The following KCTD13 variants were observed in gnomAD, a reference collection of about 807,000 sequenced individuals.
The protein encoded by KCTD13 is potassium channel tetramerization domain containing 13.
A neutral mutation model predicts 32.3 loss-of-function variants in KCTD13; 15 were observed. The ratio of observed to expected loss-of-function variants is 0.46; its 90% confidence interval spans 0.31 to 0.71. The LOEUF (loss-of-function observed/expected upper bound fraction) is 0.71. KCTD13 is among the 30% of genes least tolerant of loss of function. The probability of loss-of-function intolerance (pLI) is 0.05; values close to 1 mark genes in which losing one functional copy is unlikely to be tolerated. For missense variants in KCTD13, 337 were observed against 452.6 expected (o/e 0.74, Z 2.32); for synonymous variants, 189 against 200.1 (o/e 0.94, Z 0.47).
chr16:29,924,129 G>A (rs1373586601), intron 1 of KCTD13, among the ~76,000 whole-genome samples: 3 of 150,678 alleles, frequency 2.0e-5, no homozygotes, highest in Non-Finnish European at 2.9e-5. Flanking sequence ...AGCCGAGATC[G>A]TGCCATTGCA....
intron 4 of KCTD13, 158 bp downstream of exon 4, chr16:29,911,657 C>T: frequency 1.5e-6 from 1 of 686,402 alleles, no homozygotes; most frequent in East Asian, 2.7e-5. Context: ...CAGAAAGGAC[C>T]TGCCTAGAGC....
intron 1 of KCTD13, among the ~76,000 whole-genome samples, chr16:29,923,890 G>T (rs1343563191): frequency 6.7e-6 from 1 of 150,350 alleles, no homozygotes; most frequent in Admixed American, 6.7e-5. Flanking sequence ...GTAAAGAAAA[G>T]AAGGCCGGGC....
intron 5 of KCTD13, 39 bp downstream of exon 5, chr16:29,910,939 A>AC (rs779398179): frequency 2.5e-6 from 4 of 1,579,532 alleles, no homozygotes. Flanking sequence ...GGTCCTGGCC[A>AC]CCCCCAGCCC....
chr16:29,911,953 G>A lies in KCTD13; in HGVS notation c.504+7C>T, dbSNP rs772953486. Reference sequence around the variant, plus strand: ...AGCCTCCACCCTGCAGGGCTTGGGGGCCTCACCTTGGAGGTGCTGGCCAGG... The same window carrying A: ...AGCCTCCACCCTGCAGGGCTTGGGGACCTCACCTTGGAGGTGCTGGCCAGG... On this transcript the variant is annotated splice_region_variant and intron_variant, in intron 3 of 5. Transcript: ENST00000568000. 13 of 1,610,354 alleles carry A rather than the reference G, an allele frequency of 8.1e-6. No homozygotes were observed. The highest frequency in any genetic ancestry group is 2.2e-5 in the East Asian group (1 of 44,842).
intron 5 of KCTD13, 32 bp from the exon 6 acceptor site, chr16:29,907,140 C>T: frequency 6.6e-7 from 1 of 1,514,674 alleles, no homozygotes; most frequent in South Asian, 1.2e-5. Flanking sequence ...CAGCTCCTTC[C>T]TTCTGGTGCA....
chr16:29,912,420 A>C (rs550113301), intron 2 of KCTD13: 344 of 320,980 alleles, frequency 1.1e-3, no homozygotes, highest in African/African-American at 7.3e-3. Context: ...CCTCCTCTAC[A>C]TCCTGCCTTT....
rs1232418514 is a variant in KCTD13, at chr16:29,906,414, C to T, written c.*458G>A. On this transcript the variant is annotated 3_prime_UTR_variant, in exon 6 of 6. Coordinates refer to ENST00000568000, the MANE Select transcript of KCTD13 (RefSeq NM_178863.5). ...AATAATATGAAACAGACTGATAACG[C>T]TGAGCTGGGCAGGCCCAGGCCAGTC... 5.4e-6 allele frequency: 2 copies of T among 368,138 alleles called. No individual in the cohort carries two copies. The highest frequency in any genetic ancestry group is 1.1e-5 in the Non-Finnish European group (2 of 185,504). The allele number at this position is 368,138 out of a possible 1,614,324, so 22.8% of individuals were successfully genotyped here.
In KCTD13 at chr16:29,925,920, C is replaced by G; in HGVS notation, c.114G>C (p.Pro38=). ...PAAYGLKPLT[P]NSKYVKLNVG... is the part of the protein sequence containing the mutation. ...CGTTCAGCTTCACGTATTTGCTGTTCGGGGTCAGCGGCTTGAGACCGTAGG... is the reference window on the plus strand; with the variant it reads ...CGTTCAGCTTCACGTATTTGCTGTTGGGGGTCAGCGGCTTGAGACCGTAGG... The change falls in exon 1 of 6, where the codon CCG becomes CCC. Residue 38 remains proline (P), a synonymous_variant. Transcript: ENST00000568000. The G allele has an allele frequency of 6.2e-7, 1 of 1,614,004 alleles. No individual in the cohort carries two copies. Among genetic ancestry groups the G allele is most frequent in the South Asian group, 1.1e-5 (1 of 91,086 alleles).
intron 5 of KCTD13, among the ~76,000 whole-genome samples, chr16:29,908,309 C>T (rs2068648100): frequency 1.3e-5 from 2 of 152,194 alleles, no homozygotes; most frequent in Non-Finnish European, 2.9e-5. Flanking sequence ...GAAGAGGTGA[C>T]TGGGGTGTTC....
intron 4 of KCTD13, chr16:29,911,576 G>GCTA: frequency 1.7e-6 from 1 of 594,936 alleles, no homozygotes; most frequent in East Asian, 2.8e-5. Flanking sequence ...AGAGCACTTG[G>GCTA]GATAGGCTCG....
chr16:29,908,683 CTTTT>C (rs576706189), intron 5 of KCTD13, among the ~76,000 whole-genome samples: 1 of 136,194 alleles, frequency 7.3e-6, no homozygotes, highest in Non-Finnish European at 1.6e-5. Context: ...CATGCCCGGC[CTTTT>C]TTTTTTTTTT....
intron 2 of KCTD13, chr16:29,913,377 G>A (rs1177650536): frequency 2.0e-5 from 3 of 152,260 alleles, no homozygotes; most frequent in Non-Finnish European, 4.4e-5. Flanking sequence ...ACAACAGAGC[G>A]ATCAGAAACA....
At chr16:29,908,764 GT>G (rs2068656238) in intron 5 of KCTD13, among the ~76,000 whole-genome samples, 1 of 150,954 alleles carries the variant, frequency 6.6e-6, no homozygotes, top group Non-Finnish European at 1.5e-5. Context: ...GTGCAGTGGT[GT>G]GATCATGTAT....
Position 29,925,972 on chromosome 16 carries a change from G to A in KCTD13, c.62C>T (p.Pro21Leu), listed in dbSNP as rs1474610079. The change falls in exon 1 of 6, where the codon CCC becomes CTC. Residue 21 changes from proline (P) to leucine (L), a missense_variant. Physicochemically the swap from Pro to Leu is moderately conservative, Grantham distance 98. Coordinates refer to ENST00000568000, the MANE Select transcript of KCTD13 (RefSeq NM_178863.5). ...GGCGGGGCCAGGCTCGAGACCCGAGGGCTTGGGGGCTTCCAGGGACGGGGC... is the reference window on the plus strand; with the variant it reads ...GGCGGGGCCAGGCTCGAGACCCGAGAGCTTGGGGGCTTCCAGGGACGGGGC... ...AAAPSLEAPK[P>L]SGLEPGPAAY... The A allele has an allele frequency of 3.7e-6, 6 of 1,609,982 alleles. No homozygotes were observed. Among genetic ancestry groups the A allele is most frequent in the Non-Finnish European group, 5.1e-6 (6 of 1,177,710 alleles).
Position 29,906,914 on chromosome 16 carries a change from G to A in KCTD13, c.948C>T (p.His316=), listed in dbSNP as rs563953632. Residue 316 remains histidine, a synonymous_variant, in exon 6 of 6, where the codon CAC becomes CAT. Coordinates refer to ENST00000568000, the MANE Select transcript of KCTD13 (RefSeq NM_178863.5). ...TTTGTTGGCCATGAGGACGCTCGTCGTGGGTGATATGGCGCCGGACATGGA... is the reference window on the plus strand; with the variant it reads ...TTTGTTGGCCATGAGGACGCTCGTCATGGGTGATATGGCGCCGGACATGGA... The part of the protein sequence containing the change: ...RRIHVRRHIT[H]DERPHGQQIV... 6.2e-6 allele frequency: 10 copies of A among 1,614,142 alleles called. No individual in the cohort carries two copies. In the East Asian group the frequency reaches 1.6e-4, roughly 25 times the overall value.
chr16:29,908,726 A>G (rs2150832813), intron 5 of KCTD13, among the ~76,000 whole-genome samples: 1 of 149,658 alleles, frequency 6.7e-6, no homozygotes, highest in East Asian at 2.0e-4. Context: ...TTTCTAAGAC[A>G]AGATCTCACT....
Position 29,911,871 on chromosome 16 carries a change from G to T in KCTD13, c.505-4C>A, listed in dbSNP as rs747087552. 6.2e-7 allele frequency: 1 copy of T among 1,612,402 alleles called. No individual in the cohort carries two copies. Among genetic ancestry groups the T allele is most frequent in the African/African-American group, 1.3e-5 (1 of 74,992 alleles). On this transcript the variant is annotated splice_region_variant and splice_polypyrimidine_tract_variant and intron_variant, in intron 3 of 5. Transcript: ENST00000568000. ...TGTGCAGGAGCTTCACCACGGGCTG[G>T]CGGGGGAGAGAGGATGGACGAGAGG...
chr16:29,909,284 A>AC (rs1171917948), intron 5 of KCTD13, among the ~76,000 whole-genome samples: 9 of 152,184 alleles, frequency 5.9e-5, no homozygotes, highest in Non-Finnish European at 1.0e-4. Context: ...AGTGAAGGTG[A>AC]CCCAAAGAAA....
Position 29,918,053 on chromosome 16 carries a change from T to C in KCTD13, c.414+5137A>G, listed in dbSNP as rs371363947. 5.3e-5 allele frequency among the ~76,000 whole-genome samples: 8 copies of C among 152,316 alleles called. No homozygotes were observed. In the East Asian group the frequency reaches 7.7e-4, roughly 15 times the overall value. Reference sequence around the variant, plus strand: ...GCATTAGGCAAAAAATGGTGAGGAATTGGACTACATCCAAATCAAGAATTT... The same window carrying C: ...GCATTAGGCAAAAAATGGTGAGGAACTGGACTACATCCAAATCAAGAATTT... On this transcript the variant is annotated intron_variant, in intron 2 of 5. Transcript: ENST00000568000.
Sources: allele counts gnomAD v4.1 joint callset (sites outside exome capture counted in the v4.1 genomes callset), GRCh38; gene constraint gnomAD v4.1.1; transcripts MANE v1.5; gene names NCBI Gene and HGNC (gene_info 2026-07-23, HGNC 2026-07-21).